TNRC18: variants seen among roughly 807,000 people sequenced by gnomAD.
The protein encoded by TNRC18 is trinucleotide repeat-containing gene 18 protein.
A neutral mutation model predicts 226.7 loss-of-function variants in TNRC18; 69 were observed. That is an observed-to-expected ratio of 0.30 (90% confidence interval 0.25 to 0.37). TNRC18 has a LOEUF of 0.37. Among genes scored for constraint, TNRC18 ranks in the 10% least tolerant of loss-of-function variants. TNRC18 has a pLI of 1.00. For missense variants in TNRC18, 4,754 were observed against 4,256.6 expected (o/e 1.12, Z -3.25); for synonymous variants, 2,449 against 1,927.6 (o/e 1.27, Z -7.09).
intron 24 of TNRC18, 81 bp downstream of exon 24, chr7:5,320,237 T>G: frequency 9.2e-7 from 1 of 1,088,414 alleles, no homozygotes; most frequent in Non-Finnish European, 1.4e-6. Flanking sequence ...CTTAAGCCAG[T>G]TAGAGTTGGG....
rs1177148971 is a variant in TNRC18 at position 5,335,929 on chromosome 7, A to G, written c.5720-2880T>C. 3.3e-5 allele frequency among the ~76,000 whole-genome samples: 5 copies of G among 151,634 alleles called. No individual in the cohort carries two copies. In the East Asian group the frequency reaches 9.7e-4, roughly 29 times the overall value. On this transcript the variant is annotated intron_variant, in intron 18 of 29. Transcript: ENST00000430969. ...CAGTCCGCAATTACTAGACAAGGCC[A>G]TTCACAGTGGCTCACACCTATAATC...
At chr7:5,393,124 G>A (rs899281240) in intron 3 of TNRC18, among the ~76,000 whole-genome samples, 4 of 152,250 alleles carry the variant, frequency 2.6e-5, no homozygotes, top group Non-Finnish European at 5.9e-5. Context: ...GTCATCACTA[G>A]GATTTGTTGG....
At position 5,388,830 on chromosome 7, in the gene TNRC18, G is replaced by A. The variant is rs1197129438; in HGVS notation, c.994C>T (p.Pro332Ser). ...ETLLPGPRPC[P>S]SPLPPPPAPP... ...GCGGGCGGCGGGGGCAGCGGTGAGG[G>A]GCAGGGGCGCGGCCCAGGGAGCAGG... is the stretch of plus-strand genomic sequence containing the variant. The change falls in exon 5 of 30, where the codon CCC (proline) becomes TCC (serine). Residue 332 changes from proline to serine, a missense_variant. Pro to Ser is a moderately conservative substitution (Grantham distance 74). Coordinates refer to ENST00000430969, the MANE Select transcript of TNRC18 (RefSeq NM_001080495.3). 11 of 1,203,982 alleles carry A rather than the reference G, an allele frequency of 9.1e-6. No individual in the cohort carries two copies. The highest frequency in any genetic ancestry group is 1.1e-5 in the Non-Finnish European group (11 of 968,266). 74.6% of individuals were successfully genotyped at this position (1,203,982 alleles called of 1,614,324 possible).
At chr7:5,399,211 G>C (rs1396734055) in intron 2 of TNRC18, among the ~76,000 whole-genome samples, 1 of 152,108 alleles carries the variant, frequency 6.6e-6, no homozygotes. Flanking sequence ...GTGCCAGGGG[G>C]CACTGAGTTA....
Position 5,374,837 on chromosome 7 carries a change from C to T in TNRC18, c.2800-353G>A, listed in dbSNP as rs970002418. Among the ~76,000 whole-genome samples, 27 of 152,328 alleles carry T rather than the reference C, an allele frequency of 1.8e-4. 1 individual carries two copies. The highest frequency in any genetic ancestry group is 5.2e-4 in the Admixed American group (8 of 15,300). On this transcript the variant is annotated intron_variant, in intron 9 of 29. Coordinates refer to ENST00000430969, the MANE Select transcript of TNRC18 (RefSeq NM_001080495.3). ...ATGGGGGGCACAAGGCCCCACACCTCGATGGCATTGGGCGCACTCACTACC... is the reference window on the plus strand; with the variant it reads ...ATGGGGGGCACAAGGCCCCACACCTTGATGGCATTGGGCGCACTCACTACC...
At chr7:5,351,304 C>T (rs527859431) in intron 17 of TNRC18, among the ~76,000 whole-genome samples, 2 of 152,144 alleles carry the variant, frequency 1.3e-5, no homozygotes, top group African/African-American at 4.8e-5. Flanking sequence ...TAAAAATGAA[C>T]TCGATATGTT....
intron 3 of TNRC18, among the ~76,000 whole-genome samples, chr7:5,392,440 CCT>C (rs939680576): frequency 2.6e-5 from 4 of 151,868 alleles, no homozygotes; most frequent in African/African-American, 9.7e-5. Context: ...ATGGTAAAGC[CCT>C]GTCTGTACTA....
rs778705821 is a variant in TNRC18 at position 5,370,514 on chromosome 7, C to T, written c.4080G>A (p.Pro1360=). The change falls in exon 11 of 30, where the codon CCG becomes CCA. Residue 1360 remains proline, a synonymous_variant. Transcript: ENST00000430969. ...CCAAGGCCTGGGCTCCAGCAGCACC[C>T]GGGGAGGGCAGAGGCCTGGCCTGGG... ...ELPQARPLPS[P]GAAGAQALEK... 4.4e-6 allele frequency: 7 copies of T among 1,598,246 alleles called. No homozygotes were observed. The highest frequency in any genetic ancestry group is 1.1e-5 in the South Asian group (1 of 88,858).
rs1562651956 is a variant in TNRC18 at position 5,421,408 on chromosome 7, G to C, written c.-162C>G. ...GGGGCTTGCGCTCGGCGGCGGGCCC[G>C]CGGCCCGGGGCGCACAGGCGGCCGG... On this transcript the variant is annotated 5_prime_UTR_variant, in exon 2 of 30. Transcript: ENST00000430969. 1 of 482,288 alleles carries C rather than the reference G, an allele frequency of 2.1e-6. No individual in the cohort carries two copies. Among genetic ancestry groups the C allele is most frequent in the Admixed American group, 6.3e-5 (1 of 15,968 alleles). 29.9% of individuals were successfully genotyped at this position (482,288 alleles called of 1,614,324 possible). A position where few individuals can be genotyped will look rare whatever the true frequency, so the allele number is the denominator to read the frequency against.
rs1230810966 is a variant in TNRC18, at chr7:5,399,787, G to A, written c.188-5192C>T. Among the ~76,000 whole-genome samples the A allele has an allele frequency of 4.6e-5, 7 of 152,158 alleles. 1 individual carries two copies. The highest frequency in any genetic ancestry group is 3.9e-4 in the Admixed American group (6 of 15,270). Reference sequence around the variant, plus strand: ...AATACCAGCACTTTGGGAGGCCTAGGCGGGTGGATCGTGGATCACTTGAGG... The same window carrying A: ...AATACCAGCACTTTGGGAGGCCTAGACGGGTGGATCGTGGATCACTTGAGG... On this transcript the variant is annotated intron_variant, in intron 2 of 29. Coordinates refer to ENST00000430969, the MANE Select transcript of TNRC18 (RefSeq NM_001080495.3).
chr7:5,402,803 G>A (rs1206950574), intron 2 of TNRC18, among the ~76,000 whole-genome samples: 2 of 151,778 alleles, frequency 1.3e-5, no homozygotes, highest in Non-Finnish European at 2.9e-5. Context: ...GCAGTGAGGC[G>A]ACACAGTGCC....
chr7:5,371,389 T>G, intron 10 of TNRC18, 25 bp from the exon 11 acceptor site: 1 of 1,491,696 alleles, frequency 6.7e-7, no homozygotes, highest in South Asian at 1.4e-5. Context: ...GGGGTCAGCA[T>G]GGGAGCCCTA....
chr7:5,347,094 G>C (rs1791269739), intron 17 of TNRC18, among the ~76,000 whole-genome samples: 2 of 151,934 alleles, frequency 1.3e-5, no homozygotes, highest in African/African-American at 4.8e-5. Flanking sequence ...TGTAATCCCA[G>C]CCCTCTGAGA....
Position 5,357,024 on chromosome 7 carries a change from G to A in TNRC18, c.5086C>T (p.His1696Tyr). 6.4e-7 allele frequency: 1 copy of A among 1,552,292 alleles called. No homozygotes were observed. ...TTCCTGGTTTTGGCTGCCCTTTTGT[G>A]TTTACCTTCTCTGGAGGATTTCAGA... ...LSLKSSREGK[H>Y]KRAAKTRKME... The change falls in exon 16 of 30, where the codon CAC becomes TAC. Residue 1696 changes from histidine (H) to tyrosine (Y), a missense_variant. His to Tyr is a moderately conservative substitution (Grantham distance 83). Transcript: ENST00000430969.
In TNRC18 at chr7:5,388,150, C is replaced by G; in HGVS notation, c.1674G>C (p.Leu558=). 1.3e-6 allele frequency: 2 copies of G among 1,564,274 alleles called. No individual in the cohort carries two copies. The highest frequency in any genetic ancestry group is 1.7e-6 in the Non-Finnish European group (2 of 1,156,676). ...GGCCGCAGGTGGCCGCCGAGCGGGG[C>G]AGCACAGCCCCAGGGTCCAGGTAGG... The part of the protein sequence containing the change: ...KKAYLDPGAV[L]PRSAATCGRP... The change falls in exon 5 of 30, where the codon CTG becomes CTC. Residue 558 remains leucine, a synonymous_variant. Coordinates refer to ENST00000430969, the MANE Select transcript of TNRC18 (RefSeq NM_001080495.3).
In TNRC18 at chr7:5,422,038, G is replaced by A. The variant is rs561031012; in HGVS notation, c.-243-549C>T. ...CGCCGACGGAATGGTGTTTTTCTGG[G>A]GGTGGGAGGAGGGAGGGTCCAAAGC... On this transcript the variant is annotated intron_variant, in intron 1 of 29. Coordinates refer to ENST00000430969, the MANE Select transcript of TNRC18 (RefSeq NM_001080495.3). Among the ~76,000 whole-genome samples, 10 of 152,232 alleles carry A rather than the reference G, an allele frequency of 6.6e-5. 1 individual carries two copies. In the East Asian group the frequency reaches 1.3e-3, roughly 21 times the overall value.
chr7:5,376,837 G>A lies in TNRC18; in HGVS notation c.2608+10C>T. Reference sequence around the variant, plus strand: ...CTGGCCCATGGTGGCCACATAGAAGGTCCACTTACCAAAGTGAGGAAGGTG... The same window carrying A: ...CTGGCCCATGGTGGCCACATAGAAGATCCACTTACCAAAGTGAGGAAGGTG... On this transcript the variant is annotated intron_variant, in intron 8 of 29. Transcript: ENST00000430969. 2.5e-6 allele frequency: 4 copies of A among 1,608,670 alleles called. No homozygotes were observed. The highest frequency in any genetic ancestry group is 3.4e-6 in the Non-Finnish European group (4 of 1,177,638).
intron 10 of TNRC18, among the ~76,000 whole-genome samples, chr7:5,372,470 G>A (rs577662684): frequency 5.3e-5 from 8 of 151,136 alleles, no homozygotes; most frequent in East Asian, 3.9e-4. Context: ...TGATCCACCC[G>A]CCTCAGCCTC....
At chr7:5,419,555 CT>C (rs1365522769) in intron 2 of TNRC18, among the ~76,000 whole-genome samples, 1 of 152,218 alleles carries the variant, frequency 6.6e-6, no homozygotes, top group Non-Finnish European at 1.5e-5. Flanking sequence ...CCCCCAAGTT[CT>C]TCCTCGGGGG....
Sources: gnomAD v4.1 joint callset for allele counts (sites outside exome capture counted in the v4.1 genomes callset) on GRCh38, gnomAD v4.1.1 for gene constraint, MANE v1.5 for transcripts, NCBI Gene and HGNC (gene_info 2026-07-23, HGNC 2026-07-21) for gene names.